UVRAG: variants seen among roughly 807,000 people sequenced by gnomAD.
UVRAG encodes UV radiation resistance-associated gene protein.
A neutral mutation model predicts 78.0 loss-of-function variants in UVRAG; 19 were observed. That is an observed-to-expected ratio of 0.24 (90% CI 0.17 to 0.36). The LOEUF (loss-of-function observed/expected upper bound fraction) is 0.36. Among genes scored for constraint, UVRAG ranks in the 10% least tolerant of loss-of-function variants. The pLI is 1.00. For synonymous variants in UVRAG, 323 were observed against 324.6 expected (o/e 1.00, Z 0.05); for missense variants, 740 against 853.8 (o/e 0.87, Z 1.66).
At chr11:75,956,742 A>G (rs1162890118) in intron 6 of UVRAG, among the ~76,000 whole-genome samples, 2 of 152,186 alleles carry the variant, frequency 1.3e-5, no homozygotes, top group African/African-American at 4.8e-5. Flanking sequence ...CATCCTTGCC[A>G]GCATTTAGTG....
chr11:76,099,546 A>G lies in UVRAG; in HGVS notation c.1306-16378A>G, dbSNP rs1030484025. ...TGTTAAGTAGGATTATAGTAAATGT[A>G]TAGGTTAGTTTGTAGAGAAATGTCA... is the stretch of plus-strand genomic sequence containing the variant. On this transcript the variant is annotated intron_variant, in intron 13 of 14. Transcript: ENST00000356136. Among the ~76,000 whole-genome samples, 7 of 152,324 alleles carry G rather than the reference A, an allele frequency of 4.6e-5. No homozygotes were observed. In the East Asian group the frequency reaches 1.3e-3, roughly 29 times the overall value.
At chr11:76,128,934 T>A (rs910700209) in intron 14 of UVRAG, among the ~76,000 whole-genome samples, 3 of 152,242 alleles carry the variant, frequency 2.0e-5, no homozygotes, top group African/African-American at 7.2e-5. Flanking sequence ...TATTCTATAA[T>A]TCTTCTCTTA....
chr11:76,040,341 C>T (rs1374708708), intron 12 of UVRAG, among the ~76,000 whole-genome samples: 1 of 151,180 alleles, frequency 6.6e-6, no homozygotes, highest in African/African-American at 2.4e-5. Flanking sequence ...GGCATGGTGG[C>T]GGGCGCCTGT....
At chr11:76,051,610 G>A (rs543621656) in intron 12 of UVRAG, among the ~76,000 whole-genome samples, 1 of 152,022 alleles carries the variant, frequency 6.6e-6, no homozygotes, top group Admixed American at 6.6e-5. Context: ...AAATTACCTG[G>A]AATTCAATTT....
At chr11:75,896,583 T>A (rs1473098625) in intron 5 of UVRAG, among the ~76,000 whole-genome samples, 2 of 152,204 alleles carry the variant, frequency 1.3e-5, no homozygotes, top group Non-Finnish European at 2.9e-5. Context: ...AATCCTATGA[T>A]AAGAGGAATT....
At chr11:76,093,245 G>C (rs1442322130) in intron 13 of UVRAG, among the ~76,000 whole-genome samples, 2 of 152,130 alleles carry the variant, frequency 1.3e-5, no homozygotes, top group Non-Finnish European at 2.9e-5. Flanking sequence ...GTACCATGCT[G>C]TTTTGGTTAC....
At chr11:75,924,123 A>G (rs758013361) in intron 6 of UVRAG, among the ~76,000 whole-genome samples, 14 of 152,222 alleles carry the variant, frequency 9.2e-5, no homozygotes, top group Non-Finnish European at 1.9e-4. Context: ...CTCAGAGCGA[A>G]TGCTCAGCAA....
chr11:75,854,995 A>G (rs544124434), intron 2 of UVRAG, among the ~76,000 whole-genome samples: 8 of 152,296 alleles, frequency 5.3e-5, no homozygotes, highest in Admixed American at 5.2e-4. Flanking sequence ...TGATAATAGT[A>G]ATTAACACCA....
chr11:76,083,349 A>G lies in UVRAG; in HGVS notation c.1305+17561A>G, dbSNP rs1227532233. On this transcript the variant is annotated intron_variant, in intron 13 of 14. Transcript: ENST00000356136. ...TCATGTTATAAAAAGATAAATTACA[A>G]ACAAGATTTGTGACCATTTTAGGGA... 6.6e-5 allele frequency among the ~76,000 whole-genome samples: 10 copies of G among 152,348 alleles called. No individual in the cohort carries two copies. The South Asian group carries it at 1.7e-3, about 25-fold the overall frequency.
chr11:75,820,042 A>G (rs1945351181), intron 1 of UVRAG, among the ~76,000 whole-genome samples: 1 of 152,146 alleles, frequency 6.6e-6, no homozygotes, highest in Admixed American at 6.6e-5. Context: ...CCTGGAGTGC[A>G]GTTGGCTCAC....
intron 11 of UVRAG, 62 bp from the exon 12 acceptor site, chr11:76,016,753 T>C: frequency 7.5e-7 from 1 of 1,330,106 alleles, no homozygotes; most frequent in Non-Finnish European, 1.0e-6. Context: ...AATTATTTAT[T>C]ATCTTATGGT....
chr11:76,143,084 A>T lies in UVRAG; in HGVS notation c.*1671A>T, dbSNP rs1952751625. ...TCACCTAGAGCAGGAGCTTCTCTGC[A>T]GTGTACTGTCTGTCGCTCATTTTGG... On this transcript the variant is annotated 3_prime_UTR_variant, in exon 15 of 15. Coordinates refer to ENST00000356136, the MANE Select transcript of UVRAG (RefSeq NM_003369.4). 6.6e-6 allele frequency: 1 copy of T among 152,282 alleles called. No individual in the cohort carries two copies. The highest frequency in any genetic ancestry group is 1.5e-5 in the Non-Finnish European group (1 of 68,050). The allele number at this position is 152,282 out of a possible 1,614,324, so 9.4% of individuals were successfully genotyped here. A position where few individuals can be genotyped will look rare whatever the true frequency, so the allele number is the denominator to read the frequency against.
At chr11:75,882,546 A>T (rs536224757) in intron 4 of UVRAG, among the ~76,000 whole-genome samples, 1 of 152,102 alleles carries the variant, frequency 6.6e-6, no homozygotes, top group South Asian at 2.1e-4. Flanking sequence ...GAAAATCTAA[A>T]AAAAACTAAA....
intron 8 of UVRAG, among the ~76,000 whole-genome samples, chr11:75,990,391 A>G (rs541494502): frequency 6.6e-6 from 1 of 152,316 alleles, no homozygotes; most frequent in East Asian, 1.9e-4. Flanking sequence ...TCTGTGAACC[A>G]CATTTTGTGT....
At chr11:75,818,637 C>T (rs1945318358) in intron 1 of UVRAG, among the ~76,000 whole-genome samples, 1 of 151,848 alleles carries the variant, frequency 6.6e-6, no homozygotes, top group African/African-American at 2.4e-5. Flanking sequence ...TGCCACCACG[C>T]CCAGCTAATT....
chr11:76,020,166 C>T (rs1392643756), intron 12 of UVRAG, among the ~76,000 whole-genome samples: 1 of 152,118 alleles, frequency 6.6e-6, no homozygotes, highest in Non-Finnish European at 1.5e-5. Flanking sequence ...TCACTTAAGG[C>T]TCAAGGGCTC....
chr11:75,985,309 T>A (rs886437150), intron 8 of UVRAG, among the ~76,000 whole-genome samples: 5 of 152,096 alleles, frequency 3.3e-5, no homozygotes, highest in African/African-American at 1.2e-4. Context: ...ATGTTATAAA[T>A]TTTATAAACA....
chr11:75,894,859 A>G (rs900430698), intron 5 of UVRAG, among the ~76,000 whole-genome samples: 1 of 150,340 alleles, frequency 6.7e-6, no homozygotes, highest in Non-Finnish European at 1.5e-5. Context: ...TAATTAGCAG[A>G]GGAAAAAAGG....
chr11:75,933,122 A>G (rs555405386), intron 6 of UVRAG, among the ~76,000 whole-genome samples: 2 of 152,362 alleles, frequency 1.3e-5, no homozygotes, highest in African/African-American at 4.8e-5. Flanking sequence ...ACAGATCTGT[A>G]GTAAACAAAA....
Sources: allele counts gnomAD v4.1 joint callset (sites outside exome capture counted in the v4.1 genomes callset), GRCh38; gene constraint gnomAD v4.1.1; transcripts MANE v1.5; gene names NCBI Gene and HGNC (gene_info 2026-07-23, HGNC 2026-07-21).